NMNAT2: variants seen among roughly 807,000 people sequenced by gnomAD.
NMNAT2 encodes nicotinamide nucleotide adenylyltransferase 2.
Under a neutral mutation model 41.6 loss-of-function variants are expected in NMNAT2, and 11 were observed. The observed-to-expected ratio is 0.26, with a 90% CI of 0.17 to 0.44. The LOEUF (loss-of-function observed/expected upper bound fraction) is 0.44, where lower values mean the gene tolerates loss of function less well. Among genes scored for constraint, NMNAT2 ranks in the 20% least tolerant of loss-of-function variants. NMNAT2 has a pLI of 1.00. For synonymous variants in NMNAT2, 148 were observed against 151.2 expected, an observed-to-expected ratio of 0.98 and a Z score of 0.16; for missense variants, 288 against 407.7, an observed-to-expected ratio of 0.71 and a Z score of 2.53.
rs543134849 is a variant in NMNAT2 at position 183,332,317 on chromosome 1, G to A, written c.86-38524C>T. Among the ~76,000 whole-genome samples, 73 of 152,314 alleles carry A rather than the reference G, an allele frequency of 4.8e-4. 1 individual carries two copies. The highest frequency in any genetic ancestry group is 1.6e-3 in the African/African-American group (68 of 41,566). On this transcript the variant is annotated intron_variant, in intron 1 of 10. Coordinates refer to ENST00000287713, the MANE Select transcript of NMNAT2 (RefSeq NM_015039.4). ...TTGTGTGTTCTCTGATCTCACCAAT[G>A]TGAGATTTTTTAATAGACAACTTTG...
rs569486567 is a variant in NMNAT2, at chr1:183,286,602, A to G, written c.448+60T>C. The stretch of plus-strand genomic sequence containing the variant: ...TCTGGGTGGATCCCAGTAGTCATTA[A>G]TTTAACAAGCCCTCCACATGATTCT... On this transcript the variant is annotated intron_variant, in intron 5 of 10. Coordinates refer to ENST00000287713, the MANE Select transcript of NMNAT2 (RefSeq NM_015039.4). 3.7e-5 allele frequency: 55 copies of G among 1,470,640 alleles called. No individual in the cohort carries two copies. The African/African-American group carries it at 5.9e-4, about 16-fold the overall frequency. 91.1% of individuals were successfully genotyped at this position (1,470,640 alleles called of 1,614,324 possible). A position where few individuals can be genotyped will look rare whatever the true frequency, so the allele number is the denominator to read the frequency against.
At chr1:183,294,660 G>A (rs187268556) in intron 1 of NMNAT2, among the ~76,000 whole-genome samples, 170 of 152,248 alleles carry the variant, frequency 1.1e-3, no homozygotes, top group Non-Finnish European at 1.7e-3. Flanking sequence ...CGCGGTGGCA[G>A]GCGCCTGTAA....
At chr1:183,258,958 G>A (rs1442978292) in intron 10 of NMNAT2, among the ~76,000 whole-genome samples, 1 of 152,134 alleles carries the variant, frequency 6.6e-6, no homozygotes, top group Non-Finnish European at 1.5e-5. Context: ...ATAAAACTCT[G>A]GTCTCCCGCA....
At chr1:183,342,882 T>C (rs1662848762) in intron 1 of NMNAT2, among the ~76,000 whole-genome samples, 1 of 148,508 alleles carries the variant, frequency 6.7e-6, no homozygotes, top group Non-Finnish European at 1.5e-5. Flanking sequence ...TACAGACATG[T>C]TCCATCATGA....
At chr1:183,417,600 T>C (rs1041127929) in intron 1 of NMNAT2, among the ~76,000 whole-genome samples, 2 of 152,084 alleles carry the variant, frequency 1.3e-5, no homozygotes, top group Non-Finnish European at 2.9e-5. Context: ...GCGCGGGCAA[T>C]ACACGGCCCA....
At chr1:183,369,996 C>T (rs568679056) in intron 1 of NMNAT2, among the ~76,000 whole-genome samples, 2 of 152,076 alleles carry the variant, frequency 1.3e-5, no homozygotes, top group East Asian at 1.9e-4. Flanking sequence ...CTCTGGAGCC[C>T]GCTAGGTCAT....
chr1:183,317,472 A>G (rs1315673264), intron 1 of NMNAT2, among the ~76,000 whole-genome samples: 1 of 152,056 alleles, frequency 6.6e-6, no homozygotes, highest in African/African-American at 2.4e-5. Context: ...TCTCACCACC[A>G]TGTTGCCCAG....
In NMNAT2 at chr1:183,333,074, C is replaced by A. The variant is rs143679049; in HGVS notation, c.86-39281G>T. Among the ~76,000 whole-genome samples the A allele has an allele frequency of 5.0e-3, 759 of 152,216 alleles. 3 individuals carry two copies. The highest frequency in any genetic ancestry group is 0.018 in the African/African-American group (734 of 41,510). On this transcript the variant is annotated intron_variant, in intron 1 of 10. Transcript: ENST00000287713. Reference sequence around the variant, plus strand: ...ATGAAGCTGACTCCCATTGGAAAACCCCATAGAGAAGGACTCCAAACAGCT... The same window carrying A: ...ATGAAGCTGACTCCCATTGGAAAACACCATAGAGAAGGACTCCAAACAGCT...
At chr1:183,416,549 T>A (rs1347387939) in intron 1 of NMNAT2, among the ~76,000 whole-genome samples, 4 of 152,238 alleles carry the variant, frequency 2.6e-5, no homozygotes, top group Non-Finnish European at 4.4e-5. Context: ...CATGCTCTTG[T>A]CTACCCTGAT....
intron 1 of NMNAT2, among the ~76,000 whole-genome samples, chr1:183,406,737 C>G (rs1310895433): frequency 1.3e-5 from 2 of 151,678 alleles, no homozygotes; most frequent in East Asian, 3.9e-4. Context: ...AGCTTCACTT[C>G]ACTAGGTGTC....
intron 1 of NMNAT2, among the ~76,000 whole-genome samples, chr1:183,404,099 A>ATT (rs10655990): frequency 0.34 from 47,641 of 138,356 alleles, 9,216 homozygotes; most frequent in East Asian, 0.51. Flanking sequence ...CAGAAATGTA[A>ATT]TTTTTTTTTT....
At chr1:183,257,787 T>C (rs12118467) in intron 10 of NMNAT2, among the ~76,000 whole-genome samples, 2 of 135,146 alleles carry the variant, frequency 1.5e-5, no homozygotes, top group Admixed American at 1.4e-4. Context: ...GTCAATTTTG[T>C]TTTTTTTTTT....
intron 8 of NMNAT2, among the ~76,000 whole-genome samples, chr1:183,278,055 G>C (rs146372220): frequency 9.6e-4 from 147 of 152,338 alleles, no homozygotes; most frequent in Middle Eastern, 3.4e-3. Context: ...CCTAAGTGGT[G>C]TAAGTTTAAC....
Position 183,341,771 on chromosome 1 carries a change from C to T in NMNAT2, c.86-47978G>A, listed in dbSNP as rs532058065. On this transcript the variant is annotated intron_variant, in intron 1 of 10. Coordinates refer to ENST00000287713, the MANE Select transcript of NMNAT2 (RefSeq NM_015039.4). ...AACCTGTTTCCTTCACTCCAGGTTA[C>T]TTTCTGATCATGTGTTTATGATTAC... Among the ~76,000 whole-genome samples the T allele has an allele frequency of 3.4e-3, 319 of 94,188 alleles. 4 individuals are homozygous for T. The highest frequency in any genetic ancestry group is 5.8e-3 in the Non-Finnish European group (252 of 43,098). The allele number at this position is 94,188 out of a possible 152,430, so 61.8% of individuals were successfully genotyped here.
intron 1 of NMNAT2, among the ~76,000 whole-genome samples, chr1:183,382,963 A>C (rs998011289): frequency 4.6e-5 from 7 of 151,958 alleles, no homozygotes; most frequent in Non-Finnish European, 8.8e-5. Context: ...CCAATCCCAC[A>C]TTTTCCCCTC....
chr1:183,255,690 G>T (rs2102274605), intron 10 of NMNAT2, among the ~76,000 whole-genome samples: 3 of 124,644 alleles, frequency 2.4e-5, no homozygotes, highest in Admixed American at 9.2e-5. Context: ...TTCAGACAGA[G>T]TCTCACTCTG....
chr1:183,348,901 A>G (rs1429811858), intron 1 of NMNAT2, among the ~76,000 whole-genome samples: 1 of 152,204 alleles, frequency 6.6e-6, no homozygotes, highest in African/African-American at 2.4e-5. Flanking sequence ...AAGTCAAGGT[A>G]GTGTCTCCTC....
intron 1 of NMNAT2, among the ~76,000 whole-genome samples, chr1:183,376,111 C>T (rs981760210): frequency 4.6e-5 from 7 of 152,190 alleles, no homozygotes; most frequent in Non-Finnish European, 1.0e-4. Flanking sequence ...GTCATGATAT[C>T]TTGACATCCA....
chr1:183,378,400 A>T (rs1014685069), intron 1 of NMNAT2, among the ~76,000 whole-genome samples: 5 of 149,674 alleles, frequency 3.3e-5, no homozygotes, highest in African/African-American at 1.2e-4. Flanking sequence ...TTAAAAAAAA[A>T]AAAAATTAGC....
Sources: gnomAD v4.1 joint callset for allele counts (sites outside exome capture counted in the v4.1 genomes callset) on GRCh38, gnomAD v4.1.1 for gene constraint, MANE v1.5 for transcripts, NCBI Gene and HGNC (gene_info 2026-07-23, HGNC 2026-07-21) for gene names.